C12orf50: variants seen among roughly 807,000 people sequenced by gnomAD.
C12orf50 encodes uncharacterized protein C12orf50.
C12orf50 carries 35 observed loss-of-function variants against 61.6 expected under a neutral mutation model. The ratio of observed to expected loss-of-function variants is 0.57; its 90% confidence interval spans 0.43 to 0.75. The LOEUF (loss-of-function observed/expected upper bound fraction) is 0.75. Ranked by LOEUF, C12orf50 falls within the 30% of genes least tolerant of loss-of-function variation. C12orf50 has a pLI of 0.00. For synonymous variants in C12orf50, 178 were observed against 161.5 expected, an observed-to-expected ratio of 1.10 and a Z score of -0.77; for missense variants, 475 against 488.5, an observed-to-expected ratio of 0.97 and a Z score of 0.26.
At chr12:87,991,259 T>G (rs892270033) in intron 7 of C12orf50, among the ~76,000 whole-genome samples, 5 of 152,118 alleles carry the variant, frequency 3.3e-5, no homozygotes, top group African/African-American at 9.7e-5. Context: ...TATGTAATTT[T>G]TATCCATATT....
intron 3 of C12orf50, among the ~76,000 whole-genome samples, chr12:88,014,982 A>G (rs753035380): frequency 5.6e-4 from 85 of 152,322 alleles, no homozygotes; most frequent in South Asian, 4.4e-3. Flanking sequence ...GTAATATTTG[A>G]GTTCCTGCCT....
intron 3 of C12orf50, among the ~76,000 whole-genome samples, chr12:88,017,579 C>A (rs149809014): frequency 0.026 from 4,007 of 152,254 alleles, 182 homozygotes; most frequent in African/African-American, 0.091. Flanking sequence ...AACTTTGGAA[C>A]TGGGTAACAG....
At chr12:87,984,406 T>C (rs1379310959) in intron 11 of C12orf50, 1 of 152,140 alleles carries the variant, frequency 6.6e-6, no homozygotes, top group East Asian at 1.9e-4. Context: ...AAATTTTGAC[T>C]GCATCACTTC....
intron 7 of C12orf50, 76 bp downstream of exon 7, chr12:87,994,557 G>C (rs566793543): frequency 4.6e-4 from 504 of 1,101,542 alleles, no homozygotes; most frequent in Non-Finnish European, 6.2e-4. Context: ...AAGAAAATTA[G>C]TTGTAAAAGA....
At chr12:87,983,271 C>A in intron 11 of C12orf50, 76 bp from the exon 12 acceptor site, 1 of 896,800 alleles carries the variant, frequency 1.1e-6, no homozygotes. Context: ...AAGTTATAAA[C>A]ATCTCAGGGG....
At chr12:88,007,329 A>G (rs1481722887) in intron 3 of C12orf50, among the ~76,000 whole-genome samples, 1 of 151,896 alleles carries the variant, frequency 6.6e-6, no homozygotes, top group Non-Finnish European at 1.5e-5. Flanking sequence ...TGACTTAGCA[A>G]ATATTAGAAC....
chr12:88,025,507 C>A (rs551076699), intron 3 of C12orf50, among the ~76,000 whole-genome samples: 188 of 152,222 alleles, frequency 1.2e-3, no homozygotes, highest in African/African-American at 4.4e-3. Flanking sequence ...TATTGGCAGT[C>A]AGCAGTAAGG....
intron 3 of C12orf50, among the ~76,000 whole-genome samples, chr12:88,000,473 G>T (rs2031609968): frequency 6.6e-6 from 1 of 151,910 alleles, no homozygotes; most frequent in Non-Finnish European, 1.5e-5. Flanking sequence ...ATCAGGAAGT[G>T]TAAGTCCTCC....
At chr12:88,012,834 G>A (rs2032161675) in intron 3 of C12orf50, among the ~76,000 whole-genome samples, 3 of 152,114 alleles carry the variant, frequency 2.0e-5, no homozygotes, top group Admixed American at 2.0e-4. Context: ...GGAGGCCAAG[G>A]TGAGTGAATT....
Position 87,985,843 on chromosome 12 carries a change from A to C in C12orf50, c.1126+7T>G. The C allele has an allele frequency of 6.2e-7, 1 of 1,611,810 alleles. No homozygotes were observed. Among genetic ancestry groups the C allele is most frequent in the Non-Finnish European group, 8.5e-7 (1 of 1,179,564 alleles). ...CAAGAGTAAACCACATCAACAAAGG[A>C]CCTCACCTGGACTGAGGTTGGGTTT... On this transcript the variant is annotated splice_region_variant and intron_variant, in intron 11 of 12. Transcript: ENST00000298699.
chr12:88,009,289 T>A (rs944416840), intron 3 of C12orf50, among the ~76,000 whole-genome samples: 1 of 152,126 alleles, frequency 6.6e-6, no homozygotes, highest in African/African-American at 2.4e-5. Context: ...TAATTCCTAA[T>A]GTTCTTTGTC....
chr12:88,012,953 A>G (rs1261427252), intron 3 of C12orf50, among the ~76,000 whole-genome samples: 1 of 152,036 alleles, frequency 6.6e-6, no homozygotes, highest in Non-Finnish European at 1.5e-5. Flanking sequence ...GGTCCCAGCT[A>G]CTCAGGAGGC....
intron 11 of C12orf50, 33 bp downstream of exon 11, chr12:87,985,817 A>G (rs1313494920): frequency 2.5e-6 from 4 of 1,606,002 alleles, no homozygotes; most frequent in African/African-American, 2.7e-5. Context: ...CAAACCACAG[A>G]CAAGAGTAAA....
intron 11 of C12orf50, 72 bp from the exon 12 acceptor site, chr12:87,983,267 T>G: frequency 1.0e-6 from 1 of 967,748 alleles, no homozygotes; most frequent in Non-Finnish European, 1.5e-6. Context: ...TTCAAAGTTA[T>G]AAACATCTCA....
chr12:87,994,154 C>T (rs1050312143), intron 7 of C12orf50, among the ~76,000 whole-genome samples: 2 of 151,630 alleles, frequency 1.3e-5, no homozygotes, highest in African/African-American at 4.8e-5. Context: ...GAGCCGAGAT[C>T]GCACCACTGC....
At chr12:88,005,993 TGCAAGCTCCGCC>T (rs2031860558) in intron 3 of C12orf50, among the ~76,000 whole-genome samples, 1 of 144,222 alleles carries the variant, frequency 6.9e-6, no homozygotes, top group Middle Eastern at 3.4e-3. Flanking sequence ...CTCGGCTCAC[TGCAAGCTCCGCC>T]TCCCGGGTTC....
chr12:87,985,548 A>T (rs2030764329), intron 11 of C12orf50: 1 of 332,772 alleles, frequency 3.0e-6, no homozygotes, highest in South Asian at 6.9e-5. Flanking sequence ...CAGCCATTCA[A>T]AAACAGTCCT....
At position 87,986,445 on chromosome 12, in the gene C12orf50, T is replaced by TTTAAGAGA. The variant is rs747570544; in HGVS notation, c.818-37_818-30dup. 1.7e-5 allele frequency: 26 copies of TTTAAGAGA among 1,497,750 alleles called. No homozygotes were observed. The East Asian group carries it at 5.5e-4, about 31-fold the overall frequency. 92.8% of individuals were successfully genotyped at this position (1,497,750 alleles called of 1,614,324 possible). A position where few individuals can be genotyped will look rare whatever the true frequency, so the allele number is the denominator to read the frequency against. ...AGAAAAGATACAAATTTTACAATTT[T>TTTAAGAGA]TTAAGAGATGCTTTCATCTCTGAAA... On this transcript the variant is annotated intron_variant, in intron 9 of 12. Coordinates refer to ENST00000298699, the MANE Select transcript of C12orf50 (RefSeq NM_152589.3).
chr12:88,020,611 A>G (rs565225951), intron 3 of C12orf50, among the ~76,000 whole-genome samples: 1 of 152,282 alleles, frequency 6.6e-6, no homozygotes, highest in East Asian at 1.9e-4. Flanking sequence ...CACTCCACTG[A>G]CAGCATTACA....
Sources: gnomAD v4.1 joint callset for allele counts (sites outside exome capture counted in the v4.1 genomes callset) on GRCh38, gnomAD v4.1.1 for gene constraint, MANE v1.5 for transcripts, NCBI Gene and HGNC (gene_info 2026-07-23, HGNC 2026-07-21) for gene names.